SMIM13: variants seen among roughly 807,000 people sequenced by gnomAD.
SMIM13 encodes small integral membrane protein 13.
A neutral mutation model predicts 5.9 loss-of-function variants in SMIM13; 3 were observed. The observed-to-expected ratio is 0.51, with a 90% CI of 0.23 to 1.31. The LOEUF (loss-of-function observed/expected upper bound fraction) is 1.31. SMIM13 is among the 40% of genes most tolerant of loss of function. The pLI is 0.18. For missense variants in SMIM13, 85 were observed against 109.9 expected, an observed-to-expected ratio of 0.77 and a Z score of 1.01; for synonymous variants, 55 against 46.0, an observed-to-expected ratio of 1.19 and a Z score of -0.79.
At chr6:11,112,881 C>T (rs1332768761) in intron 1 of SMIM13, among the ~76,000 whole-genome samples, 1 of 152,128 alleles carries the variant, frequency 6.6e-6, no homozygotes, top group African/African-American at 2.4e-5. Flanking sequence ...GATCTTGGCT[C>T]ACTGCAACCT....
At chr6:11,099,803 TA>T (rs1757968687) in intron 1 of SMIM13, among the ~76,000 whole-genome samples, 1 of 152,162 alleles carries the variant, frequency 6.6e-6, no homozygotes, top group African/African-American at 2.4e-5. Context: ...AAATAGCCAC[TA>T]TATATTTTTA....
At chr6:11,104,115 A>G in intron 1 of SMIM13, 1 of 1,548,848 alleles carries the variant, frequency 6.5e-7, no homozygotes, top group African/African-American at 1.4e-5. Context: ...CATGGTCGTT[A>G]AGGCTTTAGC....
chr6:11,101,087 CT>C (rs892196474), intron 1 of SMIM13, among the ~76,000 whole-genome samples: 1 of 147,000 alleles, frequency 6.8e-6, no homozygotes, highest in Non-Finnish European at 1.5e-5. Flanking sequence ...TATGCTGGAC[CT>C]TTTGGGTTGA....
rs531050185 is a variant in SMIM13 at position 11,094,025 on chromosome 6, C to T, written c.-289C>T. 6.6e-6 allele frequency: 1 copy of T among 152,560 alleles called. No homozygotes were observed. The highest frequency in any genetic ancestry group is 6.5e-5 in the Admixed American group (1 of 15,306). The allele number at this position is 152,560 out of a possible 1,614,324, so 9.5% of individuals were successfully genotyped here. On this transcript the variant is annotated 5_prime_UTR_variant, in exon 1 of 2. Transcript: ENST00000416247. ...CCGCTGGGGTCTCTGGGTGCCGCGG[C>T]CTCGGCTCTCCGGGGCGATGAGGGA... is the stretch of plus-strand genomic sequence containing the variant.
rs1040995514 is a variant in SMIM13 at position 11,136,957 on chromosome 6, G to A, written c.*2355G>A. On this transcript the variant is annotated 3_prime_UTR_variant, in exon 2 of 2. Transcript: ENST00000416247. ...GTGGATACCTAAGGTTTATATAATA[G>A]TTGCTGGAAAACTTAAAGTAGCTGG... 1 of 151,998 alleles carries A rather than the reference G, an allele frequency of 6.6e-6. No homozygotes were observed. The highest frequency in any genetic ancestry group is 2.1e-4 in the South Asian group (1 of 4,822). 9.4% of individuals were successfully genotyped at this position (151,998 alleles called of 1,614,324 possible). A position where few individuals can be genotyped will look rare whatever the true frequency, so the allele number is the denominator to read the frequency against.
chr6:11,115,042 T>G (rs1758219519), intron 1 of SMIM13, among the ~76,000 whole-genome samples: 2 of 152,228 alleles, frequency 1.3e-5, no homozygotes, highest in African/African-American at 2.4e-5. Context: ...TAGTAAACAT[T>G]TAAGATTTTT....
intron 1 of SMIM13, among the ~76,000 whole-genome samples, chr6:11,114,592 C>CTTTTTTTTTTTTTT (rs58585640): frequency 5.0e-4 from 11 of 21,844 alleles, no homozygotes; most frequent in South Asian, 4.1e-3. Flanking sequence ...CACTTTTTCT[C>CTTTTTTTTTTTTTT]TTTTTTTTTT....
At chr6:11,107,422 A>G (rs1758103380) in intron 1 of SMIM13, among the ~76,000 whole-genome samples, 1 of 152,178 alleles carries the variant, frequency 6.6e-6, no homozygotes, top group South Asian at 2.1e-4. Flanking sequence ...CAGGTCATCC[A>G]TGTATTGTAG....
intron 1 of SMIM13, among the ~76,000 whole-genome samples, chr6:11,100,805 T>A (rs1757980833): frequency 6.6e-6 from 1 of 152,220 alleles, no homozygotes; most frequent in Non-Finnish European, 1.5e-5. Flanking sequence ...CTAGGTCTGG[T>A]ATTGAAAAAT....
Position 11,135,800 on chromosome 6 carries a change from C to CA in SMIM13, c.*1199dup, listed in dbSNP as rs2113673194. The CA allele has an allele frequency of 6.6e-6, 1 of 152,298 alleles. No individual in the cohort carries two copies. The highest frequency in any genetic ancestry group is 6.5e-5 in the Admixed American group (1 of 15,302). 9.4% of individuals were successfully genotyped at this position (152,298 alleles called of 1,614,324 possible). A position where few individuals can be genotyped will look rare whatever the true frequency, so the allele number is the denominator to read the frequency against. On this transcript the variant is annotated 3_prime_UTR_variant, in exon 2 of 2. Transcript: ENST00000416247. ...AAAGCGCTGTTTCAATAAATATAAACATTTTCTGTGATATGAAAGCATTGT... is the reference window on the plus strand; with the variant it reads ...AAAGCGCTGTTTCAATAAATATAAACAATTTTCTGTGATATGAAAGCATTGT...
intron 1 of SMIM13, among the ~76,000 whole-genome samples, chr6:11,109,049 A>G (rs1758131843): frequency 2.6e-5 from 4 of 152,102 alleles, no homozygotes; most frequent in African/African-American, 9.7e-5. Flanking sequence ...TGTAATCCCA[A>G]TTGGGGTTGA....
intron 1 of SMIM13, among the ~76,000 whole-genome samples, 159 bp from the exon 2 acceptor site, chr6:11,134,244 C>T (rs908518214): frequency 2.0e-5 from 3 of 152,138 alleles, no homozygotes; most frequent in African/African-American, 4.8e-5. Flanking sequence ...AGTTTATCCT[C>T]ATTCCTTGTA....
Position 11,093,834 on chromosome 6 carries a change from G to T in SMIM13, c.-480G>T, listed in dbSNP as rs1366597469. Among the ~76,000 whole-genome samples, 1 of 152,234 alleles carries T rather than the reference G, an allele frequency of 6.6e-6. No homozygotes were observed. Among genetic ancestry groups the T allele is most frequent in the African/African-American group, 2.4e-5 (1 of 41,464 alleles). ...GCCCCAGCGGTAGGGGGCCTGGGGC[G>T]GAGAAGCCGCTACAGCCGCGGCCGG... On this transcript the variant is annotated 5_prime_UTR_variant, in exon 1 of 2. Transcript: ENST00000416247.
At chr6:11,117,310 C>T (rs1305603771) in intron 1 of SMIM13, among the ~76,000 whole-genome samples, 1 of 147,960 alleles carries the variant, frequency 6.8e-6, no homozygotes, top group Non-Finnish European at 1.5e-5. Context: ...ACTACAGGCG[C>T]CCGCCACTAC....
At chr6:11,095,251 A>T (rs1757907574) in intron 1 of SMIM13, among the ~76,000 whole-genome samples, 1 of 152,254 alleles carries the variant, frequency 6.6e-6, no homozygotes, top group South Asian at 2.1e-4. Flanking sequence ...TGTTCATTAC[A>T]CGATAAATGT....
chr6:11,123,357 A>G (rs1444536939), intron 1 of SMIM13, among the ~76,000 whole-genome samples: 1 of 152,230 alleles, frequency 6.6e-6, no homozygotes, highest in Non-Finnish European at 1.5e-5. Flanking sequence ...ACACCTCTGT[A>G]GCTTTTAGTA....
At chr6:11,131,318 G>T (rs1459073258) in intron 1 of SMIM13, among the ~76,000 whole-genome samples, 1 of 151,606 alleles carries the variant, frequency 6.6e-6, no homozygotes, top group Non-Finnish European at 1.5e-5. Context: ...TAAGTACAGA[G>T]AAATATATTT....
At chr6:11,097,663 C>T (rs1219888236) in intron 1 of SMIM13, among the ~76,000 whole-genome samples, 1 of 130,094 alleles carries the variant, frequency 7.7e-6, no homozygotes, top group African/African-American at 3.2e-5. Context: ...AGTGAAACTC[C>T]GTTTCAAAAA....
At chr6:11,097,394 G>A (rs1293484460) in intron 1 of SMIM13, among the ~76,000 whole-genome samples, 1 of 152,176 alleles carries the variant, frequency 6.6e-6, no homozygotes, top group East Asian at 1.9e-4. Flanking sequence ...GGCGGCCCAT[G>A]CCTGTAATCC....
Sources: gnomAD v4.1 joint callset for allele counts (sites outside exome capture counted in the v4.1 genomes callset) on GRCh38, gnomAD v4.1.1 for gene constraint, MANE v1.5 for transcripts, NCBI Gene and HGNC (gene_info 2026-07-23, HGNC 2026-07-21) for gene names.